Variants in HECW1 observed in about 807,000 individuals in gnomAD.
HECW1 encodes the protein E3 ubiquitin-protein ligase HECW1.
A neutral mutation model predicts 182.3 loss-of-function variants in HECW1; 61 were observed. That is an observed-to-expected ratio of 0.33 (90% CI 0.27 to 0.41). The LOEUF is 0.41. Among genes scored for constraint, HECW1 ranks in the 10% least tolerant of loss-of-function variants. HECW1 has a pLI of 1.00. For synonymous variants in HECW1, 859 were observed against 832.6 expected, an observed-to-expected ratio of 1.03 and a Z score of -0.55; for missense variants, 1,739 against 2,108.9, an observed-to-expected ratio of 0.82 and a Z score of 3.44.
intron 2 of HECW1, among the ~76,000 whole-genome samples, chr7:43,241,992 G>C (rs979178489): frequency 7.9e-5 from 12 of 151,992 alleles, no homozygotes; most frequent in Admixed American, 3.9e-4. Context: ...TCCAAGGAAG[G>C]GGTAAATAAG....
chr7:43,488,003 AAGCC>A (rs745645379), intron 17 of HECW1, among the ~76,000 whole-genome samples: 44 of 149,964 alleles, frequency 2.9e-4, no homozygotes, highest in Admixed American at 1.1e-3. Flanking sequence ...GAAAGAAAGA[AAGCC>A]AGCCAGCCAG....
intron 3 of HECW1, among the ~76,000 whole-genome samples, chr7:43,255,495 G>A (rs1800460965): frequency 6.6e-6 from 1 of 151,934 alleles, no homozygotes; most frequent in South Asian, 2.1e-4. Flanking sequence ...TACTCAGGAG[G>A]CTGAGGCAGA....
intron 2 of HECW1, among the ~76,000 whole-genome samples, chr7:43,191,005 A>G (rs1793869204): frequency 6.6e-6 from 1 of 152,096 alleles, no homozygotes. Context: ...AGTACCCACC[A>G]AGCAAGCTAT....
chr7:43,535,699 G>A (rs2081155722), intron 24 of HECW1, among the ~76,000 whole-genome samples: 2 of 152,214 alleles, frequency 1.3e-5, no homozygotes, highest in African/African-American at 4.8e-5. Context: ...TGTCCGTACT[G>A]TACCGTGGTG....
intron 13 of HECW1, among the ~76,000 whole-genome samples, chr7:43,459,544 T>G (rs1306151750): frequency 1.5e-5 from 2 of 136,950 alleles, no homozygotes; most frequent in Non-Finnish European, 3.2e-5. Context: ...GATGATTTAG[T>G]TTTTTTTTTT....
At position 43,503,314 on chromosome 7, in the gene HECW1, G is replaced by T. The variant is rs189733732; in HGVS notation, c.3631+1992G>T. ...GAGCGAAGACAAAAGTAAGGGGTTTGGGGGGAAAAGTTTGGAGAAGCTGTA... is the reference window on the plus strand; with the variant it reads ...GAGCGAAGACAAAAGTAAGGGGTTTTGGGGGAAAAGTTTGGAGAAGCTGTA... On this transcript the variant is annotated intron_variant, in intron 21 of 29. Transcript: ENST00000395891. Among the ~76,000 whole-genome samples, 277 of 152,236 alleles carry T rather than the reference G, an allele frequency of 1.8e-3. 1 individual carries two copies. Among genetic ancestry groups the T allele is most frequent in the African/African-American group, 6.5e-3 (269 of 41,528 alleles).
chr7:43,477,737 A>G (rs532520557), intron 16 of HECW1, among the ~76,000 whole-genome samples: 63 of 152,332 alleles, frequency 4.1e-4, no homozygotes, highest in African/African-American at 1.5e-3. Flanking sequence ...TATCTCAATT[A>G]TGAAACCACT....
At chr7:43,379,027 G>A (rs569137691) in intron 6 of HECW1, among the ~76,000 whole-genome samples, 280 of 152,204 alleles carry the variant, frequency 1.8e-3, no homozygotes, top group African/African-American at 6.5e-3. Context: ...GCACTGTGTT[G>A]GACTAATAGG....
intron 8 of HECW1, 26 bp downstream of exon 8, chr7:43,407,757 A>G (rs1480843058): frequency 6.3e-7 from 1 of 1,584,808 alleles, no homozygotes; most frequent in Non-Finnish European, 8.6e-7. Flanking sequence ...CCTGAAAAAA[A>G]GCCCAAGTAA....
At chr7:43,499,690 T>A (rs1016413463) in intron 19 of HECW1, among the ~76,000 whole-genome samples, 1 of 152,110 alleles carries the variant, frequency 6.6e-6, no homozygotes, top group African/African-American at 2.4e-5. Flanking sequence ...TTCTGCTGCA[T>A]CTCTTCAAAA....
intron 3 of HECW1, among the ~76,000 whole-genome samples, chr7:43,256,296 A>G (rs1030428771): frequency 6.6e-6 from 1 of 152,220 alleles, no homozygotes; most frequent in Non-Finnish European, 1.5e-5. Flanking sequence ...TTATAGTTCA[A>G]GCCAAGTAAA....
In HECW1 at chr7:43,505,244, G is replaced by A. The variant is rs538029208; in HGVS notation, c.3632-1893G>A. On this transcript the variant is annotated intron_variant, in intron 21 of 29. Coordinates refer to ENST00000395891, the MANE Select transcript of HECW1 (RefSeq NM_015052.5). The stretch of plus-strand genomic sequence containing the variant: ...CCTCCCCGTCTCAGTGAATGTCACC[G>A]CAGGGTGTTCAGTTACAAAATCTGA... Among the ~76,000 whole-genome samples, 11 of 152,158 alleles carry A rather than the reference G, an allele frequency of 7.2e-5. No individual in the cohort carries two copies. In the East Asian group the frequency reaches 1.4e-3, roughly 19 times the overall value.
Position 43,438,020 on chromosome 7 carries a change from C to T in HECW1, c.819C>T (p.Ser273=), listed in dbSNP as rs376228341. The T allele has an allele frequency of 1.4e-5, 23 of 1,614,032 alleles. No individual in the cohort carries two copies. In the African/African-American group the frequency reaches 2.7e-4, roughly 19 times the overall value. Residue 273 remains serine, a synonymous_variant, in exon 9 of 30, where the codon TCC becomes TCT. Coordinates refer to ENST00000395891, the MANE Select transcript of HECW1 (RefSeq NM_015052.5). ...CATTGCAGCAATTCAGTTTTGTGTC[C>T]TTGCCCACTGACGTGCTGGAAATTG... ...IWQAEQFSFV[S]LPTDVLEIEV...
chr7:43,561,366 C>A (rs1387494423), intron 29 of HECW1, among the ~76,000 whole-genome samples: 1 of 152,176 alleles, frequency 6.6e-6, no homozygotes, highest in Non-Finnish European at 1.5e-5. Context: ...AACTGGATCT[C>A]AGAATTCCAG....
At chr7:43,283,209 T>C (rs1206568721) in intron 3 of HECW1, among the ~76,000 whole-genome samples, 1 of 152,170 alleles carries the variant, frequency 6.6e-6, no homozygotes, top group Non-Finnish European at 1.5e-5. Context: ...GTAAGGTCTG[T>C]AAGGTCAAAA....
intron 2 of HECW1, among the ~76,000 whole-genome samples, chr7:43,230,141 C>T (rs1334541130): frequency 6.6e-6 from 1 of 152,228 alleles, no homozygotes; most frequent in Non-Finnish European, 1.5e-5. Context: ...GCCTGTAATC[C>T]CAGCACTTGG....
chr7:43,521,983 A>G (rs909638629), intron 24 of HECW1, among the ~76,000 whole-genome samples: 5 of 152,210 alleles, frequency 3.3e-5, no homozygotes, highest in African/African-American at 1.2e-4. Flanking sequence ...GGTTGAAGGG[A>G]GTGGCCTAGT....
rs7794108 is a variant in HECW1, at chr7:43,114,840, A to G, written c.-32+449A>G. On this transcript the variant is annotated intron_variant, in intron 2 of 29. Coordinates refer to ENST00000395891, the MANE Select transcript of HECW1 (RefSeq NM_015052.5). ...CATCCGGAGCTGGAACAGCCCATCA[A>G]TGTATCAATACAGAGGGACTGCAGC... Among the ~76,000 whole-genome samples, 447 of 152,316 alleles carry G rather than the reference A, an allele frequency of 2.9e-3. 2 individuals are homozygous for G. The highest frequency in any genetic ancestry group is 0.01 in the African/African-American group (434 of 41,576).
intron 17 of HECW1, among the ~76,000 whole-genome samples, chr7:43,482,410 A>G (rs949514246): frequency 6.6e-6 from 1 of 152,224 alleles, no homozygotes; most frequent in African/African-American, 2.4e-5. Context: ...GATTCCATGC[A>G]TGGCTTGCTA....
Sources: allele counts gnomAD v4.1 joint callset (sites outside exome capture counted in the v4.1 genomes callset), GRCh38; gene constraint gnomAD v4.1.1; transcripts MANE v1.5; gene names NCBI Gene and HGNC (gene_info 2026-07-23, HGNC 2026-07-21).